Variants in RPTOR observed in about 807,000 individuals in gnomAD.
RPTOR encodes regulatory associated protein of MTOR complex 1, also known as regulatory-associated protein of mTOR.
Under a neutral mutation model 169.9 loss-of-function variants are expected in RPTOR, and 21 were observed. The observed-to-expected ratio is 0.12, with a 90% CI of 0.09 to 0.18. RPTOR has a LOEUF of 0.18. Among genes scored for constraint, RPTOR ranks in the 10% least tolerant of loss-of-function variants. The pLI, the probability that RPTOR is intolerant of heterozygous loss-of-function variation, is 1.00. For missense variants in RPTOR, 1,133 were observed against 1,855.9 expected (o/e 0.61, Z 7.16); for synonymous variants, 732 against 753.2 (o/e 0.97, Z 0.46).
At chr17:80,618,849 G>A (rs956799490) in intron 1 of RPTOR, among the ~76,000 whole-genome samples, 8 of 152,196 alleles carry the variant, frequency 5.3e-5, no homozygotes, top group Admixed American at 1.3e-4. Flanking sequence ...TTGGACTGCA[G>A]GTTTTGGTTG....
chr17:80,706,037 G>A (rs1480945449), intron 3 of RPTOR, among the ~76,000 whole-genome samples: 6 of 152,156 alleles, frequency 3.9e-5, no homozygotes, highest in African/African-American at 1.2e-4. Flanking sequence ...GATGATCATG[G>A]CATTGGCCTT....
intron 3 of RPTOR, among the ~76,000 whole-genome samples, chr17:80,681,359 C>G (rs1351523033): frequency 6.6e-6 from 1 of 152,198 alleles, no homozygotes; most frequent in African/African-American, 2.4e-5. Context: ...AGTTGCGGGG[C>G]CGCGGCTCTC....
intron 6 of RPTOR, among the ~76,000 whole-genome samples, chr17:80,765,076 A>G (rs1364270758): frequency 2.0e-5 from 3 of 152,218 alleles, no homozygotes; most frequent in Non-Finnish European, 4.4e-5. Context: ...GAGCCAGGGG[A>G]AAAATGCAAT....
At chr17:80,854,835 G>C (rs1598355219) in intron 11 of RPTOR, among the ~76,000 whole-genome samples, 2 of 152,246 alleles carry the variant, frequency 1.3e-5, no homozygotes, top group East Asian at 3.8e-4. Context: ...TGAGGCTGCA[G>C]TGAGCCATGA....
intron 24 of RPTOR, among the ~76,000 whole-genome samples, chr17:80,935,936 A>G (rs1567996754): frequency 6.6e-6 from 1 of 152,250 alleles, no homozygotes; most frequent in Non-Finnish European, 1.5e-5. Flanking sequence ...AGTCACAGAC[A>G]GAGCGAAAAT....
chr17:80,554,044 A>G (rs1273808922), intron 1 of RPTOR, among the ~76,000 whole-genome samples: 1 of 151,756 alleles, frequency 6.6e-6, no homozygotes, highest in Non-Finnish European at 1.5e-5. Flanking sequence ...ACCCCGCTTG[A>G]TGTTCTGTTG....
At chr17:80,804,622 A>G (rs1047801324) in intron 7 of RPTOR, 7 of 152,198 alleles carry the variant, frequency 4.6e-5, no homozygotes, top group Non-Finnish European at 1.0e-4. Flanking sequence ...TGTTTCCTTC[A>G]TTTTCTAGAT....
At chr17:80,608,867 G>C (rs1006205560) in intron 1 of RPTOR, among the ~76,000 whole-genome samples, 3 of 152,226 alleles carry the variant, frequency 2.0e-5, no homozygotes, top group Non-Finnish European at 4.4e-5. Context: ...AGATGGAACC[G>C]CTATAGTCTG....
chr17:80,919,582 G>A (rs995880650), intron 21 of RPTOR, among the ~76,000 whole-genome samples: 1 of 152,212 alleles, frequency 6.6e-6, no homozygotes, highest in East Asian at 1.9e-4. Flanking sequence ...GTCCTTGTGA[G>A]GTGGCGCTCC....
chr17:80,949,695 T>C (rs2069149461), intron 28 of RPTOR, 148 bp downstream of exon 28: 3 of 672,914 alleles, frequency 4.5e-6, no homozygotes, highest in South Asian at 1.7e-5. Flanking sequence ...TCCCCGCCAA[T>C]GTCCCCGAAA....
chr17:80,837,866 C>A, intron 9 of RPTOR, 56 bp from the exon 10 acceptor site: 2 of 1,522,164 alleles, frequency 1.3e-6, no homozygotes, highest in East Asian at 4.6e-5. Context: ...TGTGAAGTGG[C>A]CTCGTGTGGA....
At chr17:80,953,676 G>A (rs1337060641) in intron 28 of RPTOR, among the ~76,000 whole-genome samples, 4 of 152,248 alleles carry the variant, frequency 2.6e-5, no homozygotes, top group Admixed American at 2.0e-4. Flanking sequence ...ATGTCCGGGT[G>A]GGCAGCAAGC....
chr17:80,674,787 C>CAAAAAAAAAAAAAAAAA (rs9319608), intron 3 of RPTOR, among the ~76,000 whole-genome samples: 6 of 89,976 alleles, frequency 6.7e-5, no homozygotes, highest in Non-Finnish European at 8.5e-5. Flanking sequence ...GACTCTGTCT[C>CAAAAAAAAAAAAAAAAA]AAAAAAAAAA....
At position 80,925,371 on chromosome 17, in the gene RPTOR, C is replaced by T. The variant is rs1242071172; in HGVS notation, c.2810C>T (p.Thr937Ile). The T allele has an allele frequency of 2.5e-6, 4 of 1,613,430 alleles. No individual in the cohort carries two copies. In the Admixed American group the frequency reaches 5.0e-5, roughly 20 times the overall value. Reference protein sequence around the residue: ...RKMFDKGPEQTADDADDAAGH... With the variant: ...RKMFDKGPEQIADDADDAAGH... ...AACCCTCCTGCTTAAACCCTGAAGA[C>T]TGCGGACGACGCGGACGATGCTGCT... The change falls in exon 24 of 34, where the codon ACT becomes ATT. Residue 937 changes from threonine to isoleucine, a missense_variant and splice_region_variant. By Grantham distance (89) the Thr-to-Ile change is moderately conservative. Transcript: ENST00000306801.
intron 1 of RPTOR, among the ~76,000 whole-genome samples, chr17:80,612,052 C>A (rs762250290): frequency 7.2e-5 from 11 of 152,194 alleles, no homozygotes; most frequent in Non-Finnish European, 1.3e-4. Context: ...TTGATGACTT[C>A]ACATTGCATT....
At chr17:80,657,624 T>C (rs1266307625) in intron 3 of RPTOR, among the ~76,000 whole-genome samples, 1 of 152,166 alleles carries the variant, frequency 6.6e-6, no homozygotes, top group Non-Finnish European at 1.5e-5. Context: ...TGGGTGACCT[T>C]TGGCTGGTTC....
At chr17:80,916,530 G>C (rs2068675255) in intron 21 of RPTOR, among the ~76,000 whole-genome samples, 1 of 152,256 alleles carries the variant, frequency 6.6e-6, no homozygotes, top group South Asian at 2.1e-4. Context: ...GGCCAGCAGT[G>C]TGAGCCAAGC....
intron 17 of RPTOR, among the ~76,000 whole-genome samples, chr17:80,889,537 G>T (rs562030594): frequency 6.6e-6 from 1 of 152,268 alleles, no homozygotes; most frequent in Non-Finnish European, 1.5e-5. Flanking sequence ...GGGGGAAGGG[G>T]TCACATGACA....
chr17:80,716,902 T>TTC (rs2066243552), intron 4 of RPTOR, among the ~76,000 whole-genome samples: 1 of 152,190 alleles, frequency 6.6e-6, no homozygotes. Context: ...TATTTCTGAG[T>TTC]TCTCTATTGT....
Sources: gnomAD v4.1 joint callset for allele counts (sites outside exome capture counted in the v4.1 genomes callset) on GRCh38, gnomAD v4.1.1 for gene constraint, MANE v1.5 for transcripts, NCBI Gene and HGNC (gene_info 2026-07-23, HGNC 2026-07-21) for gene names.